Variants in CYBC1 observed in about 807,000 individuals in gnomAD.
CYBC1 encodes cytochrome b-245 chaperone 1.
In CYBC1, 22 loss-of-function variants were observed where a neutral mutation model predicts 21.7. That is an observed-to-expected ratio of 1.02 (90% CI 0.73 to 1.45). The LOEUF (loss-of-function observed/expected upper bound fraction) is 1.45. Ranked by LOEUF, CYBC1 falls within the 40% of genes most tolerant of loss-of-function variation. The pLI, the probability that CYBC1 is intolerant of heterozygous loss-of-function variation, is 0.00. For synonymous variants in CYBC1, 112 were observed against 98.7 expected (o/e 1.13, Z -0.80); for missense variants, 237 against 242.1 (o/e 0.98, Z 0.14).
At chr17:82,449,550 C>CA (rs2054475557) in intron 1 of CYBC1, 1 of 365,098 alleles carries the variant, frequency 2.7e-6, no homozygotes, top group Admixed American at 4.6e-5. Context: ...CGCTCAGACT[C>CA]ACGAGCTACA....
chr17:82,446,842 C>G, intron 3 of CYBC1, 146 bp from the exon 4 acceptor site: 1 of 746,606 alleles, frequency 1.3e-6, no homozygotes, highest in Non-Finnish European at 2.2e-6. Flanking sequence ...TGACCCTGCC[C>G]TGGCCACTCA....
At chr17:82,446,030 C>A in intron 4 of CYBC1, 70 bp from the exon 5 acceptor site, 1 of 1,236,836 alleles carries the variant, frequency 8.1e-7, no homozygotes, top group Non-Finnish European at 1.2e-6. Flanking sequence ...TGGGGCCTCA[C>A]CCCCACCCTC....
chr17:82,449,004 T>C (rs1271077692), intron 2 of CYBC1, 166 bp downstream of exon 2: 14 of 605,850 alleles, frequency 2.3e-5, no homozygotes, highest in Middle Eastern at 3.9e-4. Context: ...GCATTATCTG[T>C]AAAACCAAGT....
At chr17:82,449,113 T>C (rs2054450004) in intron 2 of CYBC1, 57 bp downstream of exon 2, 6 of 1,318,916 alleles carry the variant, frequency 4.5e-6, no homozygotes, top group Non-Finnish European at 6.2e-6. Flanking sequence ...TTTTCATCCT[T>C]TTTGAAAGTC....
Position 82,443,405 on chromosome 17 carries a change from T to G in CYBC1, c.*599A>C, listed in dbSNP as rs982837754. The G allele has an allele frequency of 1.8e-6, 1 of 547,448 alleles. No homozygotes were observed. Among genetic ancestry groups the G allele is most frequent in the Admixed American group, 2.6e-5 (1 of 38,140 alleles). 33.9% of individuals were successfully genotyped at this position (547,448 alleles called of 1,614,324 possible). The stretch of plus-strand genomic sequence containing the variant: ...CCTCGGGGAGGGGCAGCTTCCACAG[T>G]GTGGCTGCAGCGTGCACAGCCAGGT... On this transcript the variant is annotated 3_prime_UTR_variant, in exon 7 of 7. Transcript: ENST00000306645. The surrounding 1 kb of genome is among the most constrained non-coding windows in gnomAD (Gnocchi z 6.7).
At chr17:82,447,671 C>T in intron 2 of CYBC1, 50 bp from the exon 3 acceptor site, 1 of 1,527,906 alleles carries the variant, frequency 6.5e-7, no homozygotes, top group South Asian at 1.2e-5. Context: ...AAGACCCCAC[C>T]TCCCTGGTGC....
chr17:82,447,852 T>A, intron 2 of CYBC1: 1 of 597,424 alleles, frequency 1.7e-6, no homozygotes, highest in Non-Finnish European at 3.0e-6. Flanking sequence ...CCCAGCTACC[T>A]GGGAGGCCGA....
In CYBC1 at chr17:82,442,739, C is replaced by T. The variant is rs905440491; in HGVS notation, c.*1265G>A. The T allele has an allele frequency of 1.3e-5, 10 of 764,172 alleles. No individual in the cohort carries two copies. The highest frequency in any genetic ancestry group is 5.7e-4 in the Middle Eastern group (2 of 3,514). The allele number at this position is 764,172 out of a possible 1,614,324, so 47.3% of individuals were successfully genotyped here. ...GAGGAGGGTCCCATCTCTCTCCTGTCGGCTTTCACCGAGGTCACAGCCAGA... is the reference window on the plus strand; with the variant it reads ...GAGGAGGGTCCCATCTCTCTCCTGTTGGCTTTCACCGAGGTCACAGCCAGA... On this transcript the variant is annotated 3_prime_UTR_variant, in exon 7 of 7. Coordinates refer to ENST00000306645, the MANE Select transcript of CYBC1 (RefSeq NM_001033046.4). The surrounding 1 kb of genome is among the most constrained non-coding windows in gnomAD (Gnocchi z 6.8).
In CYBC1 at chr17:82,444,549, T is replaced by G. The variant is rs1834241191; in HGVS notation, c.341A>C (p.Glu114Ala). The G allele has an allele frequency of 3.1e-6, 5 of 1,613,448 alleles. No homozygotes were observed. Among genetic ancestry groups the G allele is most frequent in the Non-Finnish European group, 4.2e-6 (5 of 1,179,646 alleles). The change falls in exon 6 of 7, where the codon GAG becomes GCG. Residue 114 changes from glutamate to alanine, a missense_variant. Coordinates refer to ENST00000306645, the MANE Select transcript of CYBC1 (RefSeq NM_001033046.4). ...TTTCCCGAAGTACCGGACCTTCTCCTCCTCCACGCTCACATCACGGACATC... is the reference window on the plus strand; with the variant it reads ...TTTCCCGAAGTACCGGACCTTCTCCGCCTCCACGCTCACATCACGGACATC... ...LHDVRDVSVEEEKVRYFGKGY... is the reference protein window; with the variant it reads ...LHDVRDVSVEAEKVRYFGKGY...
chr17:82,444,872 C>T (rs1239948982), intron 5 of CYBC1: 5 of 439,662 alleles, frequency 1.1e-5, no homozygotes, highest in African/African-American at 4.0e-5. Context: ...ACCCGCTCAG[C>T]GCGAGGCCAT....
rs772193650 is a variant in CYBC1, at chr17:82,444,473, C to T, written c.417G>A (p.Thr139=). 94 of 1,612,948 alleles carry T rather than the reference C, an allele frequency of 5.8e-5. No individual in the cohort carries two copies. Among genetic ancestry groups the T allele is most frequent in the Middle Eastern group, 1.6e-4 (1 of 6,080 alleles). ...TGCGGTGGCCCATGACTGCACTCTG[C>T]GTGAGGGGGTGGGAGAAGCCCGTCG... The part of the protein sequence containing the change: ...RLATGFSHPL[T]QSAVMGHRSD... Residue 139 remains threonine (T), a synonymous_variant, in exon 6 of 7, where the codon ACG becomes ACA. Coordinates refer to ENST00000306645, the MANE Select transcript of CYBC1 (RefSeq NM_001033046.4).
intron 5 of CYBC1, chr17:82,445,099 C>G (rs2054200683): frequency 6.4e-6 from 1 of 155,416 alleles, no homozygotes; most frequent in African/African-American, 2.4e-5. Context: ...ATGCCCTGGC[C>G]AGGTCCCTGC....
chr17:82,449,171 A>C lies in CYBC1; in HGVS notation c.84T>G (p.Val28=). 6.4e-7 allele frequency: 1 copy of C among 1,570,580 alleles called. No homozygotes were observed. The part of the protein sequence containing the change: ...APGIRSWSLL[V]GILSIGLAAA... The stretch of plus-strand genomic sequence containing the variant: ...GGGGAGGGACGTGGAGAGCCTTACC[A>C]ACCAGCAGGGACCAGGACCGGATGC... Residue 28 remains valine (V), a splice_region_variant and synonymous_variant, in exon 2 of 7, where the codon GTT becomes GTG. Transcript: ENST00000306645.
In CYBC1 at chr17:82,444,525, T is replaced by G. The variant is rs2054163987; in HGVS notation, c.365A>C (p.Lys122Thr). Residue 122 changes from lysine to threonine, a missense_variant, in exon 6 of 7, where the codon AAA (lysine) becomes ACA (threonine). Transcript: ENST00000306645. Reference sequence around the variant, plus strand: ...AAGCCGGAGCACCACCATGTAGCCTTTCCCGAAGTACCGGACCTTCTCCTC... The same window carrying G: ...AAGCCGGAGCACCACCATGTAGCCTGTCCCGAAGTACCGGACCTTCTCCTC... ...VEEEKVRYFG[K>T]GYMVVLRLAT... is the part of the protein sequence containing the mutation. The G allele has an allele frequency of 6.2e-7, 1 of 1,613,926 alleles. No homozygotes were observed. Among genetic ancestry groups the G allele is most frequent in the South Asian group, 1.1e-5 (1 of 91,082 alleles).
At chr17:82,449,984 T>A (rs1281215331) in intron 1 of CYBC1, 1 of 152,156 alleles carries the variant, frequency 6.6e-6, no homozygotes, top group Non-Finnish European at 1.5e-5. Context: ...ATTTCTGACA[T>A]TAAGTAGGGG....
At chr17:82,444,145 G>A in intron 6 of CYBC1, 21 bp from the exon 7 acceptor site, 1 of 1,604,768 alleles carries the variant, frequency 6.2e-7, no homozygotes, top group Admixed American at 1.7e-5. Context: ...CCGGCAACGG[G>A]AGGAAGGTCA....
Position 82,444,308 on chromosome 17 carries a change from C to A in CYBC1, c.443+139G>T, listed in dbSNP as rs528023880. 18 of 1,440,090 alleles carry A rather than the reference C, an allele frequency of 1.2e-5. 1 individual carries two copies. The African/African-American group carries it at 2.1e-4, about 17-fold the overall frequency. 89.2% of individuals were successfully genotyped at this position (1,440,090 alleles called of 1,614,324 possible). On this transcript the variant is annotated intron_variant, in intron 6 of 6. Transcript: ENST00000306645. ...CAGTGGGGCTGCCCCTGAGCCTGCA[C>A]ACGCTTCCCGTGGGCCCCTCTGTGT... is the stretch of plus-strand genomic sequence containing the variant.
At position 82,445,062 on chromosome 17, in the gene CYBC1, CCCAAA is replaced by C. The variant is rs1257595888; in HGVS notation, c.299-476_299-472del. On this transcript the variant is annotated intron_variant, in intron 5 of 6. Coordinates refer to ENST00000306645, the MANE Select transcript of CYBC1 (RefSeq NM_001033046.4). ...CCAGGCCAGCCCTGCAACTGCTCTC[CCCAAA>C]GCCACAGGTGACCTGGGGCCAATGC... 193 of 158,910 alleles carry C rather than the reference CCCAAA, an allele frequency of 1.2e-3. 1 individual carries two copies. The highest frequency in any genetic ancestry group is 6.5e-3 in the Middle Eastern group (2 of 310). 9.8% of individuals were successfully genotyped at this position (158,910 alleles called of 1,614,324 possible).
intron 4 of CYBC1, 80 bp downstream of exon 4, chr17:82,446,543 C>T (rs1001074144): frequency 2.4e-5 from 34 of 1,415,036 alleles, no homozygotes; most frequent in Middle Eastern, 1.8e-4. Flanking sequence ...CAGGGCCCTT[C>T]CTCCTCCTTT....
Sources: allele counts gnomAD v4.1 joint callset, GRCh38; gene constraint gnomAD v4.1.1; non-coding constraint Gnocchi (gnomAD v3.1); transcripts MANE v1.5; gene names NCBI Gene and HGNC (gene_info 2026-07-23, HGNC 2026-07-21).